ADAMTSL1: variants seen among roughly 807,000 people sequenced by gnomAD.
The protein encoded by ADAMTSL1 is ADAMTS like 1, also known as ADAMTS-like protein 1.
Under a neutral mutation model 201.8 loss-of-function variants are expected in ADAMTSL1, and 126 were observed. The observed-to-expected ratio is 0.62, with a 90% CI of 0.54 to 0.72. The LOEUF is 0.72. ADAMTSL1 is among the 30% of genes least tolerant of loss of function. ADAMTSL1 has a pLI of 0.00. For missense variants in ADAMTSL1, 2,679 were observed against 2,277.8 expected, an observed-to-expected ratio of 1.18 and a Z score of -3.59; for synonymous variants, 1,121 against 903.4, an observed-to-expected ratio of 1.24 and a Z score of -4.32.
chr9:18,615,296 G>A (rs976160568), intron 4 of ADAMTSL1, among the ~76,000 whole-genome samples: 1 of 152,194 alleles, frequency 6.6e-6, no homozygotes, highest in African/African-American at 2.4e-5. Context: ...CCATGAGAGA[G>A]GTATGTATGC....
intron 23 of ADAMTSL1, among the ~76,000 whole-genome samples, chr9:18,885,188 C>CT (rs1394492623): frequency 6.6e-6 from 1 of 152,196 alleles, no homozygotes; most frequent in Non-Finnish European, 1.5e-5. Flanking sequence ...CACAGTCCTC[C>CT]TTTGCATCCT....
chr9:17,914,933 T>G (rs1826034507), intron 1 of ADAMTSL1, among the ~76,000 whole-genome samples: 1 of 152,200 alleles, frequency 6.6e-6, no homozygotes, highest in South Asian at 2.1e-4. Flanking sequence ...TTGCTTGTTT[T>G]TTTTGTTATC....
intron 3 of ADAMTSL1, among the ~76,000 whole-genome samples, chr9:18,538,473 A>C (rs1276039968): frequency 6.6e-6 from 1 of 152,098 alleles, no homozygotes; most frequent in East Asian, 1.9e-4. Context: ...GAAATTCTAT[A>C]ATTCTTAAGA....
intron 2 of ADAMTSL1, among the ~76,000 whole-genome samples, chr9:18,337,349 C>T (rs187744827): frequency 4.5e-4 from 68 of 152,184 alleles, no homozygotes; most frequent in East Asian, 9.7e-4. Context: ...GGGACTTGGA[C>T]GGGCTTCCTT....
intron 1 of ADAMTSL1, among the ~76,000 whole-genome samples, chr9:18,499,367 A>G (rs907728109): frequency 1.3e-5 from 2 of 152,208 alleles, no homozygotes; most frequent in South Asian, 4.1e-4. Context: ...GGGAATCACA[A>G]CCCCTACCAC....
intron 2 of ADAMTSL1, among the ~76,000 whole-genome samples, chr9:18,301,521 A>G (rs925708838): frequency 4.6e-5 from 7 of 152,174 alleles, no homozygotes; most frequent in African/African-American, 1.4e-4. Context: ...TGTGCACAGT[A>G]AGAAAGTAAC....
In ADAMTSL1 at chr9:18,294,096, G is replaced by A. The variant is rs142992124; in HGVS notation, c.207+130115G>A. On this transcript the variant is annotated intron_variant, in intron 2 of 29. Coordinates refer to the ADAMTSL1 transcript ENST00000680146. ...TGAGGTTTTCATTATAAAACACAGA[G>A]GCATTACTGGGGATAAATGAACCAA... is the stretch of plus-strand genomic sequence containing the variant. Among the ~76,000 whole-genome samples, 164 of 152,240 alleles carry A rather than the reference G, an allele frequency of 1.1e-3. 5 individuals are homozygous for A. The East Asian group carries it at 0.029, about 27-fold the overall frequency.
At chr9:18,870,061 ATTG>A (rs1563874763) in intron 23 of ADAMTSL1, among the ~76,000 whole-genome samples, 1 of 151,972 alleles carries the variant, frequency 6.6e-6, no homozygotes, top group African/African-American at 2.4e-5. Context: ...CATTTTTCAT[ATTG>A]TTAAGCTCTA....
intron 1 of ADAMTSL1, among the ~76,000 whole-genome samples, chr9:18,078,364 G>C (rs75846514): frequency 0.044 from 6,702 of 152,092 alleles, 459 homozygotes; most frequent in African/African-American, 0.15. Context: ...AAAAAATCTA[G>C]ACTCAGAAAT....
intron 1 of ADAMTSL1, among the ~76,000 whole-genome samples, chr9:18,036,868 G>A (rs1012325182): frequency 3.3e-5 from 5 of 151,950 alleles, no homozygotes; most frequent in African/African-American, 1.2e-4. Context: ...TTTCCTTATG[G>A]ACACAGTAGT....
chr9:18,000,312 A>T (rs1819560507), intron 1 of ADAMTSL1, among the ~76,000 whole-genome samples: 1 of 151,982 alleles, frequency 6.6e-6, no homozygotes, highest in African/African-American at 2.4e-5. Context: ...AAAAAGTCAG[A>T]CACTTTTTTT....
intron 1 of ADAMTSL1, among the ~76,000 whole-genome samples, chr9:17,976,151 G>A (rs1473354287): frequency 2.6e-5 from 4 of 152,034 alleles, no homozygotes; most frequent in Non-Finnish European, 5.9e-5. Context: ...TTGAAATCAG[G>A]AAGTGTGATG....
At chr9:18,698,930 G>A (rs1184500817) in intron 13 of ADAMTSL1, among the ~76,000 whole-genome samples, 5 of 152,196 alleles carry the variant, frequency 3.3e-5, no homozygotes, top group African/African-American at 9.6e-5. Flanking sequence ...TCCTTATAAT[G>A]TCTTGTCTAG....
intron 4 of ADAMTSL1, among the ~76,000 whole-genome samples, chr9:18,597,839 G>C (rs947853968): frequency 6.6e-6 from 1 of 152,076 alleles, no homozygotes; most frequent in Admixed American, 6.6e-5. Flanking sequence ...CCAAGTTTTA[G>C]CACATTCATG....
intron 15 of ADAMTSL1, among the ~76,000 whole-genome samples, chr9:18,725,747 C>T (rs1038865129): frequency 2.0e-5 from 3 of 152,152 alleles, no homozygotes; most frequent in Non-Finnish European, 2.9e-5. Flanking sequence ...CTAGTTCCTT[C>T]TTATACCCAG....
chr9:18,132,951 G>A (rs1321824681), intron 1 of ADAMTSL1, among the ~76,000 whole-genome samples: 2 of 152,074 alleles, frequency 1.3e-5, no homozygotes, highest in Non-Finnish European at 2.9e-5. Context: ...CTGTCTCCCT[G>A]GAATAAGGAG....
chr9:18,788,626 T>C (rs1247180515), intron 19 of ADAMTSL1, among the ~76,000 whole-genome samples: 1 of 152,192 alleles, frequency 6.6e-6, no homozygotes, highest in Non-Finnish European at 1.5e-5. Context: ...TACATTTGCC[T>C]ATAAATACTA....
In ADAMTSL1 at chr9:18,722,799, T is replaced by C. The variant is rs111601140; in HGVS notation, c.2006+1134T>C. Among the ~76,000 whole-genome samples, 258 of 152,338 alleles carry C rather than the reference T, an allele frequency of 1.7e-3. 1 individual carries two copies. The highest frequency in any genetic ancestry group is 4.6e-3 in the African/African-American group (190 of 41,576). ...GGCAACCATAAAATCAGTCAGCCAC[T>C]GCTTTGGAGAAGCACCCAACCCATG... On this transcript the variant is annotated intron_variant, in intron 15 of 28. Coordinates refer to ENST00000380548, the MANE Select transcript of ADAMTSL1 (RefSeq NM_001040272.6).
chr9:18,121,685 A>G (rs1260063430), intron 1 of ADAMTSL1, among the ~76,000 whole-genome samples: 1 of 152,202 alleles, frequency 6.6e-6, no homozygotes, highest in East Asian at 1.9e-4. Flanking sequence ...TTTGTAATAT[A>G]TAAACACATA....
Sources: gnomAD v4.1 joint callset for allele counts (sites outside exome capture counted in the v4.1 genomes callset) on GRCh38, gnomAD v4.1.1 for gene constraint, MANE v1.5 for transcripts, NCBI Gene and HGNC (gene_info 2026-07-23, HGNC 2026-07-21) for gene names.